The following IRAG2 variants were observed in gnomAD, a reference collection of about 807,000 sequenced individuals.
IRAG2 encodes the protein lymphoid restricted membrane protein.
In IRAG2, 45 loss-of-function variants were observed where a neutral mutation model predicts 69.9. The observed-to-expected ratio is 0.64, with a 90% CI of 0.51 to 0.83. IRAG2 has a LOEUF of 0.83. Among genes scored for constraint, IRAG2 ranks in the 40% least tolerant of loss-of-function variants. The pLI, the probability that IRAG2 is intolerant of heterozygous loss-of-function variation, is 0.00. For synonymous variants in IRAG2, 193 were observed against 202.4 expected (o/e 0.95, Z 0.40); for missense variants, 520 against 587.0 (o/e 0.89, Z 1.18).
chr12:25,101,093 G>A (rs1022228458), intron 15 of IRAG2, 85 bp from the exon 16 acceptor site: 1 of 1,175,794 alleles, frequency 8.5e-7, no homozygotes, highest in African/African-American at 1.6e-5. Flanking sequence ...TTTAGGAATG[G>A]AGTGAAGGTA....
At chr12:25,017,880 T>C (rs1319963567) in intron 6 of IRAG2, among the ~76,000 whole-genome samples, 2 of 152,180 alleles carry the variant, frequency 1.3e-5, no homozygotes, top group Non-Finnish European at 2.9e-5. Context: ...AAACCTCTAT[T>C]CTACTTTCTG....
chr12:25,025,532 CA>C (rs148281829), intron 8 of IRAG2, among the ~76,000 whole-genome samples: 8,095 of 152,108 alleles, frequency 0.053, 455 homozygotes, highest in African/African-American at 0.15. Flanking sequence ...ACAAAAAAAA[CA>C]CTTGAGTGAG....
chr12:24,998,790 G>A, the IRAG2 span, among the ~76,000 whole-genome samples: 45 of 151,974 alleles, frequency 3.0e-4, no homozygotes, highest in African/African-American at 9.9e-4. Flanking sequence ...ATCAAGTTTT[G>A]AATGATTTTA....
intron 1 of IRAG2, among the ~76,000 whole-genome samples, chr12:25,055,242 A>G (rs1214447903): frequency 5.3e-5 from 8 of 152,244 alleles, no homozygotes; most frequent in Admixed American, 5.2e-4. Context: ...TCTTGAATAA[A>G]TGATATTGTT....
At chr12:25,006,331 G>C (rs1944429959) in intron 2 of IRAG2, 1 of 152,136 alleles carries the variant, frequency 6.6e-6, no homozygotes, top group Non-Finnish European at 1.5e-5. Flanking sequence ...ATTCCTCAAA[G>C]AATTTAGAGC....
chr12:25,073,050 A>G (rs1277023343), intron 6 of IRAG2, among the ~76,000 whole-genome samples: 1 of 152,126 alleles, frequency 6.6e-6, no homozygotes, highest in East Asian at 1.9e-4. Flanking sequence ...GAGTGGGGAG[A>G]TGAGGTTTTT....
At chr12:25,030,870 A>G (rs921608861) in intron 10 of IRAG2, 3 of 198,632 alleles carry the variant, frequency 1.5e-5, no homozygotes, top group African/African-American at 7.1e-5. Context: ...AACAACATAA[A>G]TGAGTCTGCA....
intron 14 of IRAG2, among the ~76,000 whole-genome samples, chr12:25,095,160 G>A (rs1316229252): frequency 6.6e-6 from 1 of 152,104 alleles, no homozygotes; most frequent in East Asian, 1.9e-4. Context: ...TGACCTTAAA[G>A]GAATAAGCTT....
At chr12:25,066,284 C>A (rs1323025982) in intron 4 of IRAG2, 81 bp from the exon 5 acceptor site, 2 of 398,548 alleles carry the variant, frequency 5.0e-6, no homozygotes, top group Non-Finnish European at 8.9e-6. Context: ...TTCAGTCTCT[C>A]AAGAAGGAAA....
upstream of IRAG2, among the ~76,000 whole-genome samples, chr12:25,003,051 C>T (rs1944403719): frequency 6.6e-6 from 1 of 152,192 alleles, no homozygotes; most frequent in Non-Finnish European, 1.5e-5. Context: ...GTGGAAACTG[C>T]ACTGGCTAGA....
chr12:25,089,009 T>A (rs1947843992), intron 11 of IRAG2, among the ~76,000 whole-genome samples: 1 of 152,202 alleles, frequency 6.6e-6, no homozygotes, highest in Non-Finnish European at 1.5e-5. Context: ...CTCACATAAC[T>A]GTAAGATTCA....
intron 14 of IRAG2, among the ~76,000 whole-genome samples, chr12:25,094,133 G>A (rs1051822035): frequency 2.6e-5 from 4 of 151,742 alleles, no homozygotes; most frequent in East Asian, 1.9e-4. Flanking sequence ...CTGTGCTCTC[G>A]GTGTTATATC....
chr12:25,035,865 T>G, intron 14 of IRAG2: 1 of 398,270 alleles, frequency 2.5e-6, no homozygotes, highest in Non-Finnish European at 4.4e-6. Context: ...GCAACCTGTT[T>G]GCTGAGTCCA....
chr12:25,023,923 T>C lies in IRAG2; in HGVS notation c.1383+2T>C. Reference sequence around the variant, plus strand: ...AAGATTCGGATTCTACAGGAAGAGGTATGTCAGAATCGTTAAACACTGGCA... The same window carrying C: ...AAGATTCGGATTCTACAGGAAGAGGCATGTCAGAATCGTTAAACACTGGCA... On this transcript the variant is annotated splice_donor_variant, in intron 8 of 38. Transcript: ENST00000636465. LOFTEE classifies it high-confidence loss of function. 8.2e-7 allele frequency: 1 copy of C among 1,225,414 alleles called. No individual in the cohort carries two copies. The highest frequency in any genetic ancestry group is 1.0e-6 in the Non-Finnish European group (1 of 981,916). The allele number at this position is 1,225,414 out of a possible 1,614,324, so 75.9% of individuals were successfully genotyped here.
chr12:25,005,153 T>A, intron 1 of IRAG2: 1 of 626,182 alleles, frequency 1.6e-6, no homozygotes, highest in South Asian at 8.6e-5. Context: ...TTATGATAGG[T>A]TTTCTTTGTT....
At chr12:25,030,537 GCCA>G (rs1267749838) in intron 10 of IRAG2, among the ~76,000 whole-genome samples, 1 of 151,952 alleles carries the variant, frequency 6.6e-6, no homozygotes, top group African/African-American at 2.4e-5. Context: ...CAGGTGTTTT[GCCA>G]CCAAGCCAGC....
At chr12:25,042,488 A>G (rs1341199066) in intron 16 of IRAG2, among the ~76,000 whole-genome samples, 1 of 151,882 alleles carries the variant, frequency 6.6e-6, no homozygotes, top group Non-Finnish European at 1.5e-5. Flanking sequence ...TTTTTATGAG[A>G]CAGAGTCTCG....
At chr12:25,065,490 T>C (rs1945920676) in intron 4 of IRAG2, among the ~76,000 whole-genome samples, 1 of 152,220 alleles carries the variant, frequency 6.6e-6, no homozygotes, top group East Asian at 1.9e-4. Flanking sequence ...TCAACCTATT[T>C]CCCCTACCAT....
chr12:25,089,885 C>T (rs761016068), intron 13 of IRAG2, 95 bp downstream of exon 13: 28 of 1,368,750 alleles, frequency 2.0e-5, no homozygotes, highest in Non-Finnish European at 2.7e-5. Flanking sequence ...CTCATATGCT[C>T]GGTGTCTGTT....
Sources: gnomAD v4.1 joint callset for allele counts (sites outside exome capture counted in the v4.1 genomes callset) on GRCh38, gnomAD v4.1.1 for gene constraint, MANE v1.5 for transcripts, NCBI Gene and HGNC (gene_info 2026-07-23, HGNC 2026-07-21) for gene names.